GNB5: variants seen among roughly 807,000 people sequenced by gnomAD.
The protein encoded by GNB5 is guanine nucleotide-binding protein subunit beta-5.
In GNB5, 37 loss-of-function variants were observed where a neutral mutation model predicts 55.3. That is an observed-to-expected ratio of 0.67 (90% CI 0.51 to 0.88). GNB5 has a LOEUF of 0.88. Among genes scored for constraint, GNB5 ranks in the 40% least tolerant of loss-of-function variants. The pLI, the probability that GNB5 is intolerant of heterozygous loss-of-function variation, is 0.00. For synonymous variants in GNB5, 219 were observed against 198.5 expected (o/e 1.10, Z -0.87); for missense variants, 476 against 515.3 (o/e 0.92, Z 0.74).
intron 1 of GNB5, among the ~76,000 whole-genome samples, chr15:52,185,111 C>T (rs539189031): frequency 7.1e-4 from 108 of 152,368 alleles, no homozygotes; most frequent in African/African-American, 2.5e-3. Context: ...TGGAGCCTGA[C>T]CCCAACCAAA....
chr15:52,182,494 A>G (rs758590884), intron 2 of GNB5, among the ~76,000 whole-genome samples: 11 of 152,194 alleles, frequency 7.2e-5, no homozygotes, highest in Non-Finnish European at 1.3e-4. Flanking sequence ...AGAGTCAACT[A>G]TCTAGAGATG....
At chr15:52,176,505 AAC>A (rs1166817533) in intron 3 of GNB5, among the ~76,000 whole-genome samples, 1 of 152,176 alleles carries the variant, frequency 6.6e-6, no homozygotes, top group Non-Finnish European at 1.5e-5. Flanking sequence ...CCAAGGGACA[AAC>A]ACACTTAGGA....
At chr15:52,174,585 C>T (rs1353298203) in intron 3 of GNB5, among the ~76,000 whole-genome samples, 1 of 151,942 alleles carries the variant, frequency 6.6e-6, no homozygotes, top group Non-Finnish European at 1.5e-5. Context: ...GGGATGAGGG[C>T]CAAAGGGATG....
intron 7 of GNB5, among the ~76,000 whole-genome samples, chr15:52,140,450 C>A (rs189490782): frequency 3.9e-5 from 6 of 152,284 alleles, no homozygotes; most frequent in African/African-American, 1.2e-4. Context: ...CTGTGACCAA[C>A]CCCTCCTGCT....
chr15:52,141,251 A>G lies in GNB5; in HGVS notation c.516T>C (p.Ser172=), dbSNP rs1321285313. The change falls in exon 7 of 13, where the codon TCT becomes TCC. Residue 172 remains serine (S), a synonymous_variant. Transcript: ENST00000261837. The part of the protein sequence containing the change: ...IACGGLDNKC[S]VYPLTFDKNE... The stretch of plus-strand genomic sequence containing the variant: ...TTTTGTCAAACGTCAAGGGGTACAC[A>G]GAACACTTATTATCCAAACCACTAG... 2 of 1,613,904 alleles carry G rather than the reference A, an allele frequency of 1.2e-6. No homozygotes were observed. Among genetic ancestry groups the G allele is most frequent in the Non-Finnish European group, 1.7e-6 (2 of 1,179,852 alleles).
chr15:52,182,686 C>T (rs73404836), intron 2 of GNB5, among the ~76,000 whole-genome samples: 2,446 of 152,200 alleles, frequency 0.016, 76 homozygotes, highest in African/African-American at 0.056. Context: ...CTACATAATC[C>T]CAAACAGTTG....
intron 4 of GNB5, among the ~76,000 whole-genome samples, chr15:52,151,461 C>G (rs947481673): frequency 6.6e-5 from 10 of 152,186 alleles, no homozygotes; most frequent in African/African-American, 2.4e-4. Flanking sequence ...GAGAATGTGC[C>G]TCTATCCCCA....
At chr15:52,135,163 G>T (rs557670951) in intron 8 of GNB5, among the ~76,000 whole-genome samples, 2 of 152,120 alleles carry the variant, frequency 1.3e-5, no homozygotes, top group East Asian at 3.9e-4. Context: ...TGCCCCACAG[G>T]CCTCAAAGTC....
At position 52,176,960 on chromosome 15, in the gene GNB5, C is replaced by A. The variant is rs1401077500; in HGVS notation, c.238+2808G>T. On this transcript the variant is annotated intron_variant, in intron 3 of 12. Coordinates refer to ENST00000261837, the MANE Select transcript of GNB5 (RefSeq NM_016194.4). ...ACTCCCCTCCAGACACACCTGCCTC[C>A]TCACTCTTCCTCAGATACATCAGAT... Among the ~76,000 whole-genome samples the A allele has an allele frequency of 2.0e-5, 3 of 152,092 alleles. No homozygotes were observed. In the South Asian group the frequency reaches 6.2e-4, roughly 32 times the overall value.
intron 7 of GNB5, chr15:52,137,107 T>A (rs1205518315): frequency 5.2e-6 from 3 of 573,240 alleles, no homozygotes; most frequent in African/African-American, 3.9e-5. Flanking sequence ...ATCCTCTAAG[T>A]ACCCTTCCCT....
chr15:52,180,022 C>G (rs1030754083), intron 2 of GNB5, 143 bp from the exon 3 acceptor site: 7 of 1,092,528 alleles, frequency 6.4e-6, no homozygotes, highest in African/African-American at 1.7e-5. Context: ...GCTGCGGGCC[C>G]GGCTGCTGCG....
At chr15:52,173,470 A>T (rs2034591066) in intron 3 of GNB5, among the ~76,000 whole-genome samples, 1 of 152,254 alleles carries the variant, frequency 6.6e-6, no homozygotes, top group Admixed American at 6.5e-5. Flanking sequence ...AAGAAGTGGG[A>T]GAACATTCCA....
chr15:52,190,056 TATGTTTTAAA>T (rs2034897716), intron 1 of GNB5, among the ~76,000 whole-genome samples: 1 of 152,090 alleles, frequency 6.6e-6, no homozygotes, highest in South Asian at 2.1e-4. Context: ...CACTGAAATA[TATGTTTTAAA>T]ATGATGGGTT....
At chr15:52,144,127 G>A (rs2033918754) in intron 6 of GNB5, 1 of 152,236 alleles carries the variant, frequency 6.6e-6, no homozygotes, top group African/African-American at 2.4e-5. Flanking sequence ...TCACCAGAAA[G>A]CTATCTATCC....
rs116008476 is a variant in GNB5, at chr15:52,168,654, A to G, written c.238+11114T>C. On this transcript the variant is annotated intron_variant, in intron 3 of 12. Transcript: ENST00000261837. ...CACATGGGACCAAAAGAGAGCCCATATAGCCAAGATAATCCTCAGCAAAAG... is the reference window on the plus strand; with the variant it reads ...CACATGGGACCAAAAGAGAGCCCATGTAGCCAAGATAATCCTCAGCAAAAG... Among the ~76,000 whole-genome samples the G allele has an allele frequency of 9.3e-3, 1,417 of 152,334 alleles. 24 individuals are homozygous for G. Among genetic ancestry groups the G allele is most frequent in the African/African-American group, 0.033 (1,360 of 41,572 alleles).
chr15:52,155,237 A>C (rs531764120), intron 3 of GNB5, among the ~76,000 whole-genome samples: 8 of 152,330 alleles, frequency 5.3e-5, no homozygotes, highest in African/African-American at 1.9e-4. Context: ...CTACGCAAAC[A>C]GACAGAGGAA....
rs2033174133 is a variant in GNB5 at position 52,117,723 on chromosome 15, A to G, written c.*5034T>C. ...TCACGGATGAGAGGGCAAGTGGTTT[A>G]GCATGGCAATCCTTACAAAGGATCC... On this transcript the variant is annotated 3_prime_UTR_variant, in exon 13 of 13. Transcript: ENST00000261837. The G allele has an allele frequency of 6.6e-6, 1 of 152,316 alleles. No homozygotes were observed. The highest frequency in any genetic ancestry group is 1.5e-5 in the Non-Finnish European group (1 of 68,108). 9.4% of individuals were successfully genotyped at this position (152,316 alleles called of 1,614,324 possible). A position where few individuals can be genotyped will look rare whatever the true frequency, so the allele number is the denominator to read the frequency against.
At chr15:52,140,429 C>A (rs1227117215) in intron 7 of GNB5, among the ~76,000 whole-genome samples, 1 of 152,184 alleles carries the variant, frequency 6.6e-6, no homozygotes, top group Non-Finnish European at 1.5e-5. Context: ...TCTTCACTGG[C>A]AGCAGCAAGT....
In GNB5 at chr15:52,122,756, A is replaced by G. The variant is rs1381761073; in HGVS notation, c.*1T>C. The G allele has an allele frequency of 6.2e-7, 1 of 1,602,656 alleles. No homozygotes were observed. Among genetic ancestry groups the G allele is most frequent in the Non-Finnish European group, 8.6e-7 (1 of 1,169,462 alleles). On this transcript the variant is annotated 3_prime_UTR_variant, in exon 13 of 13. Transcript: ENST00000261837. ...TACATGAGTGCACTGTCAGAAGATG[A>G]TTAGGCCCAGACCTGTGAAGACACA...
Sources: gnomAD v4.1 joint callset for allele counts (sites outside exome capture counted in the v4.1 genomes callset) on GRCh38, gnomAD v4.1.1 for gene constraint, MANE v1.5 for transcripts, NCBI Gene and HGNC (gene_info 2026-07-23, HGNC 2026-07-21) for gene names.